DNAH6: variants seen among roughly 807,000 people sequenced by gnomAD.
The protein encoded by DNAH6 is dynein axonemal heavy chain 6.
A neutral mutation model predicts 491.4 loss-of-function variants in DNAH6; 340 were observed. The observed-to-expected ratio is 0.69, with a 90% CI of 0.63 to 0.76. The LOEUF is 0.76. Among genes scored for constraint, DNAH6 ranks in the 30% least tolerant of loss-of-function variants. DNAH6 has a pLI of 0.00. For missense variants in DNAH6, 4,443 were observed against 4,972.2 expected, an observed-to-expected ratio of 0.89 and a Z score of 3.20; for synonymous variants, 1,603 against 1,686.1, an observed-to-expected ratio of 0.95 and a Z score of 1.21.
chr2:84,499,832 T>C, the DNAH6 span, among the ~76,000 whole-genome samples: 2 of 152,222 alleles, frequency 1.3e-5, no homozygotes, highest in African/African-American at 4.8e-5. Context: ...TTGTGCATCT[T>C]CTTTTGAGAA....
chr2:84,610,661 T>A (rs113804275), intron 21 of DNAH6, among the ~76,000 whole-genome samples: 7 of 152,348 alleles, frequency 4.6e-5, no homozygotes, highest in African/African-American at 1.4e-4. Flanking sequence ...GACTTAATTA[T>A]GTTTACATTT....
chr2:84,707,426 G>A, intron 53 of DNAH6, 94 bp from the exon 54 acceptor site: 1 of 1,128,164 alleles, frequency 8.9e-7, no homozygotes, highest in African/African-American at 1.6e-5. Flanking sequence ...GCTAAATAAT[G>A]CTATTCTGCT....
chr2:84,647,120 T>C (rs1268955626), intron 33 of DNAH6, among the ~76,000 whole-genome samples: 1 of 152,154 alleles, frequency 6.6e-6, no homozygotes, highest in Non-Finnish European at 1.5e-5. Flanking sequence ...GTGCTGGCAT[T>C]ACAGGTGTGA....
At chr2:84,460,834 T>C in the DNAH6 span, among the ~76,000 whole-genome samples, 12 of 152,292 alleles carry the variant, frequency 7.9e-5, no homozygotes, top group Middle Eastern at 3.4e-3. Flanking sequence ...GTGGTTAAGT[T>C]AAATATTAAA....
chr2:84,709,255 G>GA, intron 54 of DNAH6, 88 bp from the exon 55 acceptor site: 3 of 1,354,392 alleles, frequency 2.2e-6, no homozygotes, highest in Non-Finnish European at 3.1e-6. Flanking sequence ...TTCAGCCACT[G>GA]ACTTACCACT....
At chr2:84,605,676 G>A (rs1685689944) in intron 20 of DNAH6, 84 bp downstream of exon 20, 5 of 865,256 alleles carry the variant, frequency 5.8e-6, no homozygotes, top group African/African-American at 3.4e-5. Context: ...TTATGATGAG[G>A]GAATAAAACA....
chr2:84,598,122 C>CTT (rs1316954008), intron 18 of DNAH6, among the ~76,000 whole-genome samples: 6 of 134,660 alleles, frequency 4.5e-5, no homozygotes, highest in African/African-American at 1.4e-4. Context: ...TTCTTTCTAT[C>CTT]TTTCTTTTCT....
At chr2:84,522,599 T>G (rs1676255140) in intron 2 of DNAH6, among the ~76,000 whole-genome samples, 1 of 152,124 alleles carries the variant, frequency 6.6e-6, no homozygotes, top group South Asian at 2.1e-4. Flanking sequence ...AGTGTGATGT[T>G]GGCTGTGAGT....
At chr2:84,768,004 GT>G (rs1401669712) in intron 64 of DNAH6, among the ~76,000 whole-genome samples, 1 of 152,046 alleles carries the variant, frequency 6.6e-6, no homozygotes, top group Admixed American at 6.6e-5. Context: ...GCAAATTACT[GT>G]CAAAACTTCT....
chr2:84,601,460 T>G (rs4832102), intron 18 of DNAH6, among the ~76,000 whole-genome samples: 124,624 of 151,872 alleles, frequency 0.82, 53,267 homozygotes, highest in East Asian at 0.99. Context: ...TCATCATTAT[T>G]AATTTTCTCT....
chr2:84,540,431 G>T (rs1427838968), intron 4 of DNAH6, among the ~76,000 whole-genome samples: 1 of 152,156 alleles, frequency 6.6e-6, no homozygotes, highest in Non-Finnish European at 1.5e-5. Flanking sequence ...TGGTAGATTG[G>T]TTTAAGGATG....
chr2:84,692,987 A>G lies in DNAH6; in HGVS notation c.7293-1262A>G, dbSNP rs566216581. Among the ~76,000 whole-genome samples, 6 of 152,344 alleles carry G rather than the reference A, an allele frequency of 3.9e-5. No individual in the cohort carries two copies. The South Asian group carries it at 1.2e-3, about 32-fold the overall frequency. ...TAGATTTCTACTATAAAACTTCTGCATGTAAATTACTTATAGATCTCCTAG... is the reference window on the plus strand; with the variant it reads ...TAGATTTCTACTATAAAACTTCTGCGTGTAAATTACTTATAGATCTCCTAG... On this transcript the variant is annotated intron_variant, in intron 45 of 76. Transcript: ENST00000389394.
chr2:84,743,572 A>C (rs1045048485), intron 62 of DNAH6, among the ~76,000 whole-genome samples: 1 of 152,184 alleles, frequency 6.6e-6, no homozygotes, highest in Non-Finnish European at 1.5e-5. Flanking sequence ...CTGTAATCCT[A>C]GCACTTTTGG....
chr2:84,499,189 C>T, the DNAH6 span, among the ~76,000 whole-genome samples: 1 of 152,054 alleles, frequency 6.6e-6, no homozygotes, highest in East Asian at 1.9e-4. Context: ...CCCCACAAAC[C>T]CCCCACTACC....
chr2:84,599,128 T>G (rs1258270128), intron 18 of DNAH6, among the ~76,000 whole-genome samples: 1 of 152,164 alleles, frequency 6.6e-6, no homozygotes, highest in African/African-American at 2.4e-5. Flanking sequence ...TCTATATTCT[T>G]TGATTAAATG....
At chr2:84,769,751 T>TG (rs1369180070) in intron 64 of DNAH6, among the ~76,000 whole-genome samples, 2 of 152,226 alleles carry the variant, frequency 1.3e-5, no homozygotes, top group African/African-American at 2.4e-5. Context: ...TATGAGCCAC[T>TG]GCCTCGTGGC....
chr2:84,671,763 C>T (rs114595708), intron 39 of DNAH6, among the ~76,000 whole-genome samples: 199 of 152,270 alleles, frequency 1.3e-3, no homozygotes, highest in African/African-American at 4.7e-3. Flanking sequence ...ATTTGCCCAT[C>T]GGGTTTCTCT....
intron 71 of DNAH6, among the ~76,000 whole-genome samples, chr2:84,807,670 G>T (rs1442668766): frequency 6.6e-6 from 1 of 152,136 alleles, no homozygotes; most frequent in Non-Finnish European, 1.5e-5. Flanking sequence ...TTCCTTGTCT[G>T]CCAGGCAACC....
At chr2:84,725,222 A>G (rs950033886) in intron 60 of DNAH6, among the ~76,000 whole-genome samples, 1 of 152,218 alleles carries the variant, frequency 6.6e-6, no homozygotes, top group African/African-American at 2.4e-5. Flanking sequence ...AACAATTCTT[A>G]TGACAGCTTG....
Sources: allele counts gnomAD v4.1 joint callset (sites outside exome capture counted in the v4.1 genomes callset), GRCh38; gene constraint gnomAD v4.1.1; transcripts MANE v1.5; gene names NCBI Gene and HGNC (gene_info 2026-07-23, HGNC 2026-07-21).